CDH13: variants seen among roughly 807,000 people sequenced by gnomAD.
CDH13 encodes the protein cadherin 13, also known as cadherin-13.
Under a neutral mutation model 63.8 loss-of-function variants are expected in CDH13, and 24 were observed. The observed-to-expected ratio is 0.38, with a 90% CI of 0.27 to 0.53. CDH13 has a LOEUF of 0.53. CDH13 is among the 20% of genes least tolerant of loss of function. The probability of loss-of-function intolerance (pLI) is 0.85; values close to 1 mark genes in which losing one functional copy is unlikely to be tolerated. For synonymous variants in CDH13, 503 were observed against 355.3 expected, an observed-to-expected ratio of 1.42 and a Z score of -4.67; for missense variants, 1,049 against 903.1, an observed-to-expected ratio of 1.16 and a Z score of -2.07.
At chr16:83,197,247 T>G (rs967875445) in intron 4 of CDH13, among the ~76,000 whole-genome samples, 3 of 150,722 alleles carry the variant, frequency 2.0e-5, no homozygotes, top group African/African-American at 7.4e-5. Context: ...ATGTTTATTT[T>G]TAATGTTTGT....
intron 7 of CDH13, among the ~76,000 whole-genome samples, chr16:83,555,406 C>T (rs982168905): frequency 1.3e-5 from 2 of 152,186 alleles, no homozygotes. Flanking sequence ...ACTGATTCCC[C>T]AGGTGATTCA....
chr16:83,244,555 C>A (rs1904794414), intron 5 of CDH13, among the ~76,000 whole-genome samples: 1 of 152,174 alleles, frequency 6.6e-6, no homozygotes, highest in Admixed American at 6.5e-5. Context: ...CTAGTTCTTG[C>A]AAACTGTTGA....
chr16:83,700,572 A>G (rs1182368612), intron 10 of CDH13, among the ~76,000 whole-genome samples: 1 of 152,224 alleles, frequency 6.6e-6, no homozygotes, highest in East Asian at 1.9e-4. Flanking sequence ...GTGAACTGCT[A>G]AAAAGTTGCA....
chr16:83,620,893 A>G (rs1909751259), intron 8 of CDH13, among the ~76,000 whole-genome samples: 1 of 152,110 alleles, frequency 6.6e-6, no homozygotes, highest in East Asian at 1.9e-4. Flanking sequence ...TGGTCATTCC[A>G]TCACTTCTGT....
chr16:83,751,913 C>A (rs1913117306), intron 11 of CDH13, among the ~76,000 whole-genome samples: 1 of 152,088 alleles, frequency 6.6e-6, no homozygotes, highest in Non-Finnish European at 1.5e-5. Context: ...AAGAAGCTGG[C>A]AAGATAGAAA....
At chr16:83,643,729 A>C (rs955554496) in intron 8 of CDH13, among the ~76,000 whole-genome samples, 2 of 152,082 alleles carry the variant, frequency 1.3e-5, no homozygotes, top group African/African-American at 2.4e-5. Context: ...TTCTTCCATC[A>C]CTCAGTCCAG....
intron 7 of CDH13, among the ~76,000 whole-genome samples, chr16:83,537,580 T>G (rs1297330656): frequency 6.6e-6 from 1 of 152,194 alleles, no homozygotes; most frequent in African/African-American, 2.4e-5. Context: ...GTTTCATTAC[T>G]GTAGGGCTTC....
chr16:83,502,948 G>A (rs550093118), intron 7 of CDH13, among the ~76,000 whole-genome samples: 38 of 152,324 alleles, frequency 2.5e-4, no homozygotes, highest in Non-Finnish European at 5.1e-4. Flanking sequence ...TGGTAAAAGT[G>A]CATGAAAGTG....
chr16:83,228,635 T>C (rs58419318), intron 5 of CDH13, among the ~76,000 whole-genome samples: 21,196 of 152,052 alleles, frequency 0.14, 1,535 homozygotes, highest in African/African-American at 0.16. Flanking sequence ...AGGAAGGGTT[T>C]TGTGAGAACA....
intron 8 of CDH13, among the ~76,000 whole-genome samples, chr16:83,643,095 G>C (rs1273384539): frequency 2.2e-5 from 1 of 44,618 alleles, no homozygotes. Context: ...AGATCACATG[G>C]ACACAGGAAG....
At chr16:83,667,243 C>G (rs949908206) in intron 8 of CDH13, among the ~76,000 whole-genome samples, 1 of 152,164 alleles carries the variant, frequency 6.6e-6, no homozygotes, top group Non-Finnish European at 1.5e-5. Flanking sequence ...TTCCATTCTA[C>G]TTGAATTCAT....
At chr16:83,224,449 C>T (rs375914452) in intron 5 of CDH13, among the ~76,000 whole-genome samples, 1 of 152,234 alleles carries the variant, frequency 6.6e-6, no homozygotes, top group Non-Finnish European at 1.5e-5. Context: ...AGGCAGGTAA[C>T]AGGCTTACAC....
rs187059322 is a variant in CDH13 at position 83,047,362 on chromosome 16, A to G, written c.366+15144A>G. On this transcript the variant is annotated intron_variant, in intron 3 of 13. Coordinates refer to ENST00000567109, the MANE Select transcript of CDH13 (RefSeq NM_001257.5). This position sits in a 1 kb window ranked among gnomAD's most constrained non-coding sequence, Gnocchi z 4.9. ...AAACCGTGGTTAACACAGATAATTGAGACTTGAGTGCTTTTTTATTCCAAG... is the reference window on the plus strand; with the variant it reads ...AAACCGTGGTTAACACAGATAATTGGGACTTGAGTGCTTTTTTATTCCAAG... Among the ~76,000 whole-genome samples, 88 of 152,312 alleles carry G rather than the reference A, an allele frequency of 5.8e-4. No homozygotes were observed. The highest frequency in any genetic ancestry group is 2.0e-3 in the African/African-American group (83 of 41,560).
intron 2 of CDH13, among the ~76,000 whole-genome samples, chr16:83,000,728 C>T (rs536432718): frequency 5.9e-5 from 9 of 151,934 alleles, no homozygotes; most frequent in African/African-American, 2.4e-5. Context: ...TACAGGTACC[C>T]GCCACCATGC....
chr16:83,145,794 A>T (rs1597413770), intron 4 of CDH13, among the ~76,000 whole-genome samples: 1 of 152,168 alleles, frequency 6.6e-6, no homozygotes, highest in African/African-American at 2.4e-5. Flanking sequence ...TTCTGCCCTT[A>T]TTGGAATCTT....
intron 3 of CDH13, among the ~76,000 whole-genome samples, chr16:83,051,835 A>C (rs556073747): frequency 6.6e-6 from 1 of 152,222 alleles, no homozygotes; most frequent in East Asian, 1.9e-4. Context: ...CAGACCGAAA[A>C]CTTTGAGTCT....
chr16:82,834,354 A>G (rs1207759471), intron 1 of CDH13, among the ~76,000 whole-genome samples: 1 of 152,204 alleles, frequency 6.6e-6, no homozygotes, highest in East Asian at 1.9e-4. Context: ...AGGCCCCTAA[A>G]CATGCAGGCA....
intron 2 of CDH13, among the ~76,000 whole-genome samples, chr16:83,014,111 T>A (rs555726257): frequency 6.6e-6 from 1 of 151,822 alleles, no homozygotes; most frequent in African/African-American, 2.4e-5. Context: ...GTTGAACTCC[T>A]GAATATTCTG....
intron 11 of CDH13, 60 bp from the exon 12 acceptor site, chr16:83,779,908 T>C (rs1230201576): frequency 1.8e-6 from 2 of 1,085,614 alleles, no homozygotes; most frequent in Non-Finnish European, 2.7e-6. Flanking sequence ...CAAAAAGTGC[T>C]ATGGTAAATT....
Sources: allele counts gnomAD v4.1 joint callset (sites outside exome capture counted in the v4.1 genomes callset), GRCh38; gene constraint gnomAD v4.1.1; non-coding constraint Gnocchi (gnomAD v3.1); transcripts MANE v1.5; gene names NCBI Gene and HGNC (gene_info 2026-07-23, HGNC 2026-07-21).